Variants in ARL8A observed in about 807,000 individuals in gnomAD.
ARL8A encodes the protein ADP-ribosylation factor-like protein 8A.
Under a neutral mutation model 31.2 loss-of-function variants are expected in ARL8A, and 10 were observed. That is an observed-to-expected ratio of 0.32 (90% CI 0.20 to 0.54). The LOEUF is 0.54. ARL8A is among the 20% of genes least tolerant of loss of function. ARL8A has a pLI of 0.93. For synonymous variants in ARL8A, 70 were observed against 86.9 expected, an observed-to-expected ratio of 0.81 and a Z score of 1.08; for missense variants, 129 against 242.8, an observed-to-expected ratio of 0.53 and a Z score of 3.12.
Position 202,135,594 on chromosome 1 carries a change from G to A in ARL8A, c.373-68C>T, listed in dbSNP as rs1654984575. ...GCCCAGGTTGTCTGGGTGGTGAGCT[G>A]GCCTCCTGGGTCCCGTTTCCTCTCT... On this transcript the variant is annotated intron_variant, in intron 4 of 6. Coordinates refer to ENST00000272217, the MANE Select transcript of ARL8A (RefSeq NM_138795.4). This position sits in a 1 kb window ranked among gnomAD's most constrained non-coding sequence, Gnocchi z 5.3. The A allele has an allele frequency of 1.3e-6, 2 of 1,585,990 alleles. No homozygotes were observed. The highest frequency in any genetic ancestry group is 1.7e-5 in the Admixed American group (1 of 59,932).
intron 1 of ARL8A, among the ~76,000 whole-genome samples, chr1:202,143,846 C>A (rs1046291432): frequency 1.3e-5 from 2 of 152,350 alleles, no homozygotes; most frequent in African/African-American, 2.4e-5. Flanking sequence ...CTAGACACTG[C>A]GGGTCGGGGA....
In ARL8A at chr1:202,135,780, T is replaced by A; in HGVS notation, c.299A>T (p.Asp100Val). The A allele has an allele frequency of 6.2e-7, 1 of 1,614,124 alleles. No individual in the cohort carries two copies. The highest frequency in any genetic ancestry group is 1.1e-5 in the South Asian group (1 of 91,078). ...SAIVYMVDAADQEKIEASKNE... is the reference protein window; with the variant it reads ...SAIVYMVDAAVQEKIEASKNE... ...CTTAGAGGCCTCAATCTTCTCCTGG[T>A]CAGCAGCATCCACCATGTACCTGGG... is the stretch of plus-strand genomic sequence containing the variant. Residue 100 changes from aspartate to valine, a missense_variant, in exon 4 of 7, where the codon GAC (aspartate) becomes GTC (valine). By Grantham distance (152) the Asp-to-Val change is radical. Coordinates refer to ENST00000272217, the MANE Select transcript of ARL8A (RefSeq NM_138795.4). The surrounding 1 kb of genome is among the most constrained non-coding windows in gnomAD (Gnocchi z 5.3).
chr1:202,134,399 T>C lies in ARL8A; in HGVS notation c.*68A>G. 1 of 1,395,466 alleles carries C rather than the reference T, an allele frequency of 7.2e-7. No individual in the cohort carries two copies. The highest frequency in any genetic ancestry group is 9.8e-7 in the Non-Finnish European group (1 of 1,023,158). The allele number at this position is 1,395,466 out of a possible 1,614,324, so 86.4% of individuals were successfully genotyped here. On this transcript the variant is annotated 3_prime_UTR_variant, in exon 7 of 7. Coordinates refer to ENST00000272217, the MANE Select transcript of ARL8A (RefSeq NM_138795.4). This position sits in a 1 kb window ranked among gnomAD's most constrained non-coding sequence, Gnocchi z 4.2. ...GGTGGGCTTAGGGGGACGACAGGGG[T>C]GGGCGGGGAGCTCGGCTTCAGGTTT...
chr1:202,134,161 C>A lies in ARL8A; in HGVS notation c.*306G>T. The A allele has an allele frequency of 4.6e-6, 2 of 432,696 alleles. No homozygotes were observed. Among genetic ancestry groups the A allele is most frequent in the Non-Finnish European group, 4.3e-6 (1 of 234,938 alleles). The allele number at this position is 432,696 out of a possible 1,614,324, so 26.8% of individuals were successfully genotyped here. A position where few individuals can be genotyped will look rare whatever the true frequency, so the allele number is the denominator to read the frequency against. On this transcript the variant is annotated 3_prime_UTR_variant, in exon 7 of 7. Coordinates refer to ENST00000272217, the MANE Select transcript of ARL8A (RefSeq NM_138795.4). This position sits in a 1 kb window ranked among gnomAD's most constrained non-coding sequence, Gnocchi z 4.2. ...AGTGTTGAAAAGGGAGGTACAAGAG[C>A]GGGCCGGGGAAAAGCCAGGGGCGGG...
rs1456968848 is a variant in ARL8A at position 202,144,011 on chromosome 1, T to C, written c.123+439A>G. Among the ~76,000 whole-genome samples the C allele has an allele frequency of 6.6e-6, 1 of 151,930 alleles. No individual in the cohort carries two copies. The highest frequency in any genetic ancestry group is 6.5e-5 in the Admixed American group (1 of 15,274). On this transcript the variant is annotated intron_variant, in intron 1 of 6. Coordinates refer to ENST00000272217, the MANE Select transcript of ARL8A (RefSeq NM_138795.4). This position sits in a 1 kb window ranked among gnomAD's most constrained non-coding sequence, Gnocchi z 5.2. ...TGGGGCTGGGCTTGCCCAAACCCCC[T>C]CCTCAAGCCTCTCGGCCGCCCCGTC...
At chr1:202,143,850 T>A (rs934750944) in intron 1 of ARL8A, among the ~76,000 whole-genome samples, 3 of 152,142 alleles carry the variant, frequency 2.0e-5, no homozygotes, top group Non-Finnish European at 4.4e-5. Context: ...ACACTGCGGG[T>A]CGGGGAGAAG....
rs1655060793 is a variant in ARL8A, at chr1:202,138,052, G to A, written c.205-14C>T. On this transcript the variant is annotated splice_polypyrimidine_tract_variant and intron_variant, in intron 2 of 6. Transcript: ENST00000272217. This position sits in a 1 kb window ranked among gnomAD's most constrained non-coding sequence, Gnocchi z 4.4. Reference sequence around the variant, plus strand: ...AATGTCCCAGAGCTGAGCAAGAAGAGGGTGAGATAGCCTCAGTAGTGGGCA... The same window carrying A: ...AATGTCCCAGAGCTGAGCAAGAAGAAGGTGAGATAGCCTCAGTAGTGGGCA... 6.2e-7 allele frequency: 1 copy of A among 1,613,782 alleles called. No individual in the cohort carries two copies.
intron 1 of ARL8A, among the ~76,000 whole-genome samples, chr1:202,141,697 T>C (rs1428033374): frequency 6.6e-5 from 10 of 151,954 alleles, no homozygotes; most frequent in Admixed American, 6.6e-4. Flanking sequence ...ATTCCTAGAA[T>C]GTCCACCCAT....
chr1:202,138,828 A>G lies in ARL8A; in HGVS notation c.124-380T>C, dbSNP rs1025998184. Among the ~76,000 whole-genome samples, 4 of 152,230 alleles carry G rather than the reference A, an allele frequency of 2.6e-5. No homozygotes were observed. Among genetic ancestry groups the G allele is most frequent in the African/African-American group, 7.2e-5 (3 of 41,458 alleles). On this transcript the variant is annotated intron_variant, in intron 1 of 6. Transcript: ENST00000272217. The surrounding 1 kb of genome is among the most constrained non-coding windows in gnomAD (Gnocchi z 4.4). ...TGAAGCAAGTCATGTTCTAATAGTT[A>G]AGGAGGATCTCAAAGAAAGCAGATG...
At position 202,140,298 on chromosome 1, in the gene ARL8A, T is replaced by TTTTC. The variant is rs200123276; in HGVS notation, c.124-1851_124-1850insGAAA. Among the ~76,000 whole-genome samples the TTTTC allele has an allele frequency of 3.4e-4, 13 of 38,180 alleles. 1 individual carries two copies. The highest frequency in any genetic ancestry group is 1.4e-3 in the Admixed American group (5 of 3,662). 25.0% of individuals were successfully genotyped at this position (38,180 alleles called of 152,430 possible). On this transcript the variant is annotated intron_variant, in intron 1 of 6. Coordinates refer to ENST00000272217, the MANE Select transcript of ARL8A (RefSeq NM_138795.4). ...GCGCGTGCCACCATGCCTAGCTAATTTTTTTTTTTTTTTTTTGTATTTTTA... is the reference window on the plus strand; with the variant it reads ...GCGCGTGCCACCATGCCTAGCTAATTTTTCTTTTTTTTTTTTTTTTGTATTTTTA...
chr1:202,138,255 T>G lies in ARL8A; in HGVS notation c.204+113A>C. 1 of 1,298,398 alleles carries G rather than the reference T, an allele frequency of 7.7e-7. No individual in the cohort carries two copies. Among genetic ancestry groups the G allele is most frequent in the East Asian group, 2.4e-5 (1 of 42,396 alleles). 80.4% of individuals were successfully genotyped at this position (1,298,398 alleles called of 1,614,324 possible). A position where few individuals can be genotyped will look rare whatever the true frequency, so the allele number is the denominator to read the frequency against. On this transcript the variant is annotated intron_variant, in intron 2 of 6. Transcript: ENST00000272217. The surrounding 1 kb of genome is among the most constrained non-coding windows in gnomAD (Gnocchi z 4.4). ...AGGGGGACCCTGGCCTCTGCCCCAC[T>G]TCAGCTCGCTCCTCCCAGGGGCCTC... is the stretch of plus-strand genomic sequence containing the variant.
At chr1:202,141,837 C>G (rs967039415) in intron 1 of ARL8A, among the ~76,000 whole-genome samples, 1 of 150,652 alleles carries the variant, frequency 6.6e-6, no homozygotes, top group Non-Finnish European at 1.5e-5. Context: ...AGCATCACAA[C>G]TTTTTCAGAA....
Position 202,134,490 on chromosome 1 carries a change from G to C in ARL8A, c.538C>G (p.His180Asp), listed in dbSNP as rs1018693351. Residue 180 changes from histidine to aspartate, a missense_variant, in exon 7 of 7, where the codon CAC (histidine) becomes GAC (aspartate). By Grantham distance (81) the His-to-Asp change is moderately conservative. Coordinates refer to ENST00000272217, the MANE Select transcript of ARL8A (RefSeq NM_138795.4). This position sits in a 1 kb window ranked among gnomAD's most constrained non-coding sequence, Gnocchi z 4.2. ...TCTCAGCTTCTCCGTGACTTCGAGT[G>C]TTGAATAAGCCACTGTAGGGTGATG... ...IDITLQWLIQ[H>D]SKSRRS The C allele has an allele frequency of 1.2e-6, 2 of 1,613,444 alleles. No individual in the cohort carries two copies. Among genetic ancestry groups the C allele is most frequent in the Non-Finnish European group, 1.7e-6 (2 of 1,179,562 alleles).
At position 202,138,346 on chromosome 1, in the gene ARL8A, C is replaced by T; in HGVS notation, c.204+22G>A. On this transcript the variant is annotated intron_variant, in intron 2 of 6. Coordinates refer to ENST00000272217, the MANE Select transcript of ARL8A (RefSeq NM_138795.4). The surrounding 1 kb of genome is among the most constrained non-coding windows in gnomAD (Gnocchi z 4.4). ...ACACACAAAAACAGTCCTCTGCACC[C>T]CCCAAGCTTCTGGGCCCTCACCTTG... is the stretch of plus-strand genomic sequence containing the variant. 3 of 1,605,182 alleles carry T rather than the reference C, an allele frequency of 1.9e-6. No individual in the cohort carries two copies. Among genetic ancestry groups the T allele is most frequent in the Middle Eastern group, 3.3e-4 (2 of 6,052 alleles).
intron 3 of ARL8A, among the ~76,000 whole-genome samples, chr1:202,136,759 G>A (rs1277091174): frequency 3.3e-5 from 5 of 152,146 alleles, no homozygotes; most frequent in African/African-American, 1.2e-4. Context: ...TGTAGAGATA[G>A]GGTTGCACCA....
chr1:202,144,397 C>T lies in ARL8A; in HGVS notation c.123+53G>A. 3.4e-6 allele frequency: 4 copies of T among 1,183,420 alleles called. No homozygotes were observed. Among genetic ancestry groups the T allele is most frequent in the Non-Finnish European group, 4.3e-6 (4 of 930,870 alleles). The allele number at this position is 1,183,420 out of a possible 1,614,324, so 73.3% of individuals were successfully genotyped here. A position where few individuals can be genotyped will look rare whatever the true frequency, so the allele number is the denominator to read the frequency against. ...CAGCAGGGCGCGGCGCGGGCGGGGA[C>T]AGGCCCGACCCGCGGCCCGCGCCCG... On this transcript the variant is annotated intron_variant, in intron 1 of 6. Transcript: ENST00000272217. The surrounding 1 kb of genome is among the most constrained non-coding windows in gnomAD (Gnocchi z 5.2).
Position 202,135,109 on chromosome 1 carries a change from A to T in ARL8A, c.511+41T>A. 1 of 1,578,646 alleles carries T rather than the reference A, an allele frequency of 6.3e-7. No homozygotes were observed. Among genetic ancestry groups the T allele is most frequent in the Non-Finnish European group, 8.7e-7 (1 of 1,147,932 alleles). ...CCTGAGAGCCACTAAAACACTCAGA[A>T]ATGCCTCTCCCCTCTCCTCCCTTTC... On this transcript the variant is annotated intron_variant, in intron 6 of 6. Coordinates refer to ENST00000272217, the MANE Select transcript of ARL8A (RefSeq NM_138795.4). This position sits in a 1 kb window ranked among gnomAD's most constrained non-coding sequence, Gnocchi z 5.3.
rs931856548 is a variant in ARL8A, at chr1:202,138,171, C to T, written c.205-133G>A. On this transcript the variant is annotated intron_variant, in intron 2 of 6. Coordinates refer to ENST00000272217, the MANE Select transcript of ARL8A (RefSeq NM_138795.4). The surrounding 1 kb of genome is among the most constrained non-coding windows in gnomAD (Gnocchi z 4.4). The stretch of plus-strand genomic sequence containing the variant: ...GGCTTCCTCTCCAGTTCTCCCCCGT[C>T]TCCACCCGCTCTCCGTCTACCTTAG... 3.2e-5 allele frequency: 38 copies of T among 1,170,466 alleles called. No individual in the cohort carries two copies. Among genetic ancestry groups the T allele is most frequent in the Non-Finnish European group, 4.3e-5 (35 of 810,186 alleles). 72.5% of individuals were successfully genotyped at this position (1,170,466 alleles called of 1,614,324 possible).
chr1:202,135,269 G>T lies in ARL8A; in HGVS notation c.441-49C>A. 1.9e-6 allele frequency: 3 copies of T among 1,572,642 alleles called. No individual in the cohort carries two copies. Among genetic ancestry groups the T allele is most frequent in the Admixed American group, 1.7e-5 (1 of 59,930 alleles). ...CGCTGAGGCTACGAACGTCCAGGGGGCCTGGGGCTAGGGGACAGCGGGGCC... is the reference window on the plus strand; with the variant it reads ...CGCTGAGGCTACGAACGTCCAGGGGTCCTGGGGCTAGGGGACAGCGGGGCC... On this transcript the variant is annotated intron_variant, in intron 5 of 6. Transcript: ENST00000272217. The surrounding 1 kb of genome is among the most constrained non-coding windows in gnomAD (Gnocchi z 5.3).
Sources: gnomAD v4.1 joint callset for allele counts (sites outside exome capture counted in the v4.1 genomes callset) on GRCh38, gnomAD v4.1.1 for gene constraint, Gnocchi (gnomAD v3.1) non-coding constraint, MANE v1.5 for transcripts, NCBI Gene and HGNC (gene_info 2026-07-23, HGNC 2026-07-21) for gene names.